PLIN1: variants seen among roughly 807,000 people sequenced by gnomAD.
The protein encoded by PLIN1 is perilipin-1.
Under a neutral mutation model 45.8 loss-of-function variants are expected in PLIN1, and 37 were observed. The observed-to-expected ratio is 0.81, with a 90% CI of 0.62 to 1.06. The LOEUF (loss-of-function observed/expected upper bound fraction) is 1.06. PLIN1 is among the 50% of genes least tolerant of loss of function. The pLI, the probability that PLIN1 is intolerant of heterozygous loss-of-function variation, is 0.00. For missense variants in PLIN1, 776 were observed against 716.5 expected (o/e 1.08, Z -0.95); for synonymous variants, 340 against 309.2 (o/e 1.10, Z -1.05).
chr15:89,677,342 A>G (rs1964534581), intron 2 of PLIN1, 103 bp downstream of exon 2: 1 of 935,756 alleles, frequency 1.1e-6, no homozygotes, highest in Admixed American at 1.7e-5. Flanking sequence ...TAGGATTATA[A>G]TCTGGGAATA....
At chr15:89,673,974 T>G (rs1018152087) in intron 2 of PLIN1, among the ~76,000 whole-genome samples, 2 of 152,146 alleles carry the variant, frequency 1.3e-5, no homozygotes, top group Non-Finnish European at 2.9e-5. Context: ...CTCCATCACG[T>G]CGGAAACCAC....
At position 89,666,991 on chromosome 15, in the gene PLIN1, T is replaced by C. The variant is rs754045975; in HGVS notation, c.1154A>G (p.Asp385Gly). 121 of 1,613,974 alleles carry C rather than the reference T, an allele frequency of 7.5e-5. No homozygotes were observed. Among genetic ancestry groups the C allele is most frequent in the Non-Finnish European group, 1.0e-4 (118 of 1,179,960 alleles). ...STKGRAMSLS[D>G]ALKGVTDNVV... is the part of the protein sequence containing the mutation. Reference sequence around the variant, plus strand: ...GTTGTCAGTAACGCCCTTCAGGGCATCTGATAGGGACATGGCCCTCCCCTT... The same window carrying C: ...GTTGTCAGTAACGCCCTTCAGGGCACCTGATAGGGACATGGCCCTCCCCTT... Residue 385 changes from aspartate (D) to glycine (G), a missense_variant, in exon 8 of 9, where the codon GAT becomes GGT. Coordinates refer to ENST00000300055, the MANE Select transcript of PLIN1 (RefSeq NM_002666.5).
intron 7 of PLIN1, among the ~76,000 whole-genome samples, chr15:89,667,390 G>A (rs916735138): frequency 2.6e-5 from 4 of 152,238 alleles, no homozygotes; most frequent in Non-Finnish European, 5.9e-5. Flanking sequence ...AATAATCTCT[G>A]CCCTGCCTAT....
chr15:89,669,595 T>A lies in PLIN1; in HGVS notation c.676A>T (p.Thr226Ser). Reference sequence around the variant, plus strand: ...ACGGTGTATCGAGAGAGGGTGTTGGTCAGAGCCCCAACCCTGCTCAAGAGG... The same window carrying A: ...ACGGTGTATCGAGAGAGGGTGTTGGACAGAGCCCCAACCCTGCTCAAGAGG... ...PSLLSRVGAL[T>S]NTLSRYTVQT... is the part of the protein sequence containing the mutation. The change falls in exon 6 of 9, where the codon ACC becomes TCC. Residue 226 changes from threonine to serine, a missense_variant. By Grantham distance (58) the Thr-to-Ser change is moderately conservative. Transcript: ENST00000300055. 6.2e-7 allele frequency: 1 copy of A among 1,613,958 alleles called. No individual in the cohort carries two copies. The highest frequency in any genetic ancestry group is 8.5e-7 in the Non-Finnish European group (1 of 1,179,910).
intron 8 of PLIN1, among the ~76,000 whole-genome samples, chr15:89,666,220 C>T (rs1964338079): frequency 1.3e-5 from 2 of 152,202 alleles, no homozygotes; most frequent in South Asian, 4.1e-4. Flanking sequence ...AATGGGAGGT[C>T]ATCAGCTTTC....
chr15:89,667,362 T>G (rs1376150429), intron 7 of PLIN1, among the ~76,000 whole-genome samples, 181 bp from the exon 8 acceptor site: 1 of 152,248 alleles, frequency 6.6e-6, no homozygotes, highest in East Asian at 1.9e-4. Context: ...CTCTGTTTCT[T>G]CTCCTGCAAA....
In PLIN1 at chr15:89,667,913, C is replaced by T. The variant is rs962496520; in HGVS notation, c.772-120G>A. 6 of 1,460,738 alleles carry T rather than the reference C, an allele frequency of 4.1e-6. No homozygotes were observed. The African/African-American group carries it at 9.2e-5, about 22-fold the overall frequency. 90.5% of individuals were successfully genotyped at this position (1,460,738 alleles called of 1,614,324 possible). A position where few individuals can be genotyped will look rare whatever the true frequency, so the allele number is the denominator to read the frequency against. ...CCAGGTGGTGAGCAGGGCTCAGCCCCAGCAGACTTTTCTGGAAACTTTTTA... is the reference window on the plus strand; with the variant it reads ...CCAGGTGGTGAGCAGGGCTCAGCCCTAGCAGACTTTTCTGGAAACTTTTTA... On this transcript the variant is annotated intron_variant, in intron 6 of 8. Coordinates refer to ENST00000300055, the MANE Select transcript of PLIN1 (RefSeq NM_002666.5).
intron 4 of PLIN1, among the ~76,000 whole-genome samples, chr15:89,670,946 A>T (rs1233436842): frequency 6.6e-6 from 1 of 152,192 alleles, no homozygotes; most frequent in Non-Finnish European, 1.5e-5. Flanking sequence ...AAGGGTAGAT[A>T]GTTGGTCAGT....
rs772259446 is a variant in PLIN1, at chr15:89,667,681, T to C, written c.884A>G (p.His295Arg). 14 of 1,602,874 alleles carry C rather than the reference T, an allele frequency of 8.7e-6. No individual in the cohort carries two copies. In the South Asian group the frequency reaches 1.5e-4, roughly 17 times the overall value. The part of the protein sequence containing the change: ...HSLAAAQEED[H>R]EDQTDTEGED... ...TCCCTCCGTGTCTGTCTGGTCCTCA[T>C]GATCCTCCTCCTGGGCGGCTGCGAG... Residue 295 changes from histidine (H) to arginine (R), a missense_variant, in exon 7 of 9, where the codon CAT becomes CGT. Transcript: ENST00000300055.
chr15:89,670,048 G>A lies in PLIN1; in HGVS notation c.530C>T (p.Ala177Val), dbSNP rs1305753155. The A allele has an allele frequency of 6.2e-7, 1 of 1,613,854 alleles. No homozygotes were observed. The highest frequency in any genetic ancestry group is 1.7e-5 in the Admixed American group (1 of 59,998). Residue 177 changes from alanine to valine, a missense_variant, in exon 5 of 9, where the codon GCC becomes GTC. Ala to Val is a moderately conservative substitution (Grantham distance 64). Transcript: ENST00000300055. ...CTCAATGCTGCCCAAGGCCAAGTCG[G>A]CCCCTCCAGAAGCCAGTCGGCCAGC... The part of the protein sequence containing the change: ...TRAGRLASGG[A>V]DLALGSIEKV...
Position 89,670,089 on chromosome 15 carries a change from A to T in PLIN1, c.489T>A (p.Phe163Leu). The T allele has an allele frequency of 6.2e-7, 1 of 1,614,202 alleles. No individual in the cohort carries two copies. The highest frequency in any genetic ancestry group is 8.5e-7 in the Non-Finnish European group (1 of 1,180,024). Reference sequence around the variant, plus strand: ...GTCGGCCAGCTCGAGTGTTGGCAGCAAATTCCGCAGTGTCTCTGGCCACCC... The same window carrying T: ...GTCGGCCAGCTCGAGTGTTGGCAGCTAATTCCGCAGTGTCTCTGGCCACCC... ...AWGVARDTAE[F>L]AANTRAGRLA... Residue 163 changes from phenylalanine (F) to leucine (L), a missense_variant, in exon 5 of 9, where the codon TTT becomes TTA. Physicochemically the swap from Phe to Leu is conservative, Grantham distance 22. Coordinates refer to ENST00000300055, the MANE Select transcript of PLIN1 (RefSeq NM_002666.5).
chr15:89,677,755 T>A, intron 1 of PLIN1: 1 of 276,656 alleles, frequency 3.6e-6, no homozygotes, highest in East Asian at 6.2e-5. Context: ...CTTTCTTTCT[T>A]TTTTTTTTTT....
rs994561430 is a variant in PLIN1 at position 89,665,156 on chromosome 15, A to T, written c.*427T>A. On this transcript the variant is annotated 3_prime_UTR_variant, in exon 9 of 9. Coordinates refer to ENST00000300055, the MANE Select transcript of PLIN1 (RefSeq NM_002666.5). ...AGGAGTTCAGTGCTAAGAATGTGTC[A>T]AAACCTTCTGTCTGGACCTTCAGAG... 26 of 265,396 alleles carry T rather than the reference A, an allele frequency of 9.8e-5. No homozygotes were observed. The highest frequency in any genetic ancestry group is 3.8e-5 in the Non-Finnish European group (5 of 131,806). The allele number at this position is 265,396 out of a possible 1,614,324, so 16.4% of individuals were successfully genotyped here.
At position 89,667,693 on chromosome 15, in the gene PLIN1, T is replaced by C. The variant is rs201076528; in HGVS notation, c.872A>G (p.Gln291Arg). ...TGTCTGGTCCTCATGATCCTCCTCC[T>C]GGGCGGCTGCGAGGCTGTGCAGCCA... ...VPWLHSLAAA[Q>R]EEDHEDQTDT... is the part of the protein sequence containing the mutation. Residue 291 changes from glutamine to arginine, a missense_variant, in exon 7 of 9, where the codon CAG becomes CGG. Gln to Arg is a conservative substitution (Grantham distance 43). Coordinates refer to ENST00000300055, the MANE Select transcript of PLIN1 (RefSeq NM_002666.5). 6.5e-5 allele frequency: 103 copies of C among 1,595,802 alleles called. No individual in the cohort carries two copies. In the East Asian group the frequency reaches 2.1e-3, roughly 33 times the overall value.
chr15:89,664,704 C>G lies in PLIN1; in HGVS notation c.*879G>C. 2 of 387,510 alleles carry G rather than the reference C, an allele frequency of 5.2e-6. No homozygotes were observed. Among genetic ancestry groups the G allele is most frequent in the South Asian group, 1.9e-5 (1 of 51,940 alleles). The allele number at this position is 387,510 out of a possible 1,614,324, so 24.0% of individuals were successfully genotyped here. On this transcript the variant is annotated 3_prime_UTR_variant, in exon 9 of 9. Coordinates refer to ENST00000300055, the MANE Select transcript of PLIN1 (RefSeq NM_002666.5). ...CGTGGTGGTTTTCAATGAAGGGGAA[C>G]AGGGGAGCTCGGGGAGAAAGACACA...
At chr15:89,676,187 C>A (rs1225554062) in intron 2 of PLIN1, among the ~76,000 whole-genome samples, 1 of 152,136 alleles carries the variant, frequency 6.6e-6, no homozygotes, top group Non-Finnish European at 1.5e-5. Context: ...AGACCCCCAT[C>A]AATGACACCT....
intron 2 of PLIN1, among the ~76,000 whole-genome samples, chr15:89,673,799 A>G (rs1964477085): frequency 6.6e-6 from 1 of 152,120 alleles, no homozygotes; most frequent in South Asian, 2.1e-4. Flanking sequence ...GGCTTCTCCA[A>G]ACATTTTTCT....
chr15:89,667,503 C>T, intron 7 of PLIN1, 99 bp downstream of exon 7: 1 of 1,574,948 alleles, frequency 6.3e-7, no homozygotes, highest in Non-Finnish European at 8.7e-7. Flanking sequence ...CATGCCGTGC[C>T]CCTGCATCTG....
chr15:89,666,706 G>A (rs113881653), intron 8 of PLIN1, among the ~76,000 whole-genome samples: 8 of 152,238 alleles, frequency 5.3e-5, no homozygotes, highest in African/African-American at 1.9e-4. Flanking sequence ...GCAGGTGGGA[G>A]GGGCCGTGGG....
Sources: gnomAD v4.1 joint callset for allele counts (sites outside exome capture counted in the v4.1 genomes callset) on GRCh38, gnomAD v4.1.1 for gene constraint, MANE v1.5 for transcripts, NCBI Gene and HGNC (gene_info 2026-07-23, HGNC 2026-07-21) for gene names.